The following HERC3 variants were observed in gnomAD, a reference collection of about 807,000 sequenced individuals.
HERC3 encodes the protein HECT and RLD domain containing E3 ubiquitin protein ligase 3.
In HERC3, 58 loss-of-function variants were observed where a neutral mutation model predicts 129.9. The observed-to-expected ratio is 0.45, with a 90% CI of 0.36 to 0.56. HERC3 has a LOEUF of 0.56. Among genes scored for constraint, HERC3 ranks in the 20% least tolerant of loss-of-function variants. HERC3 has a pLI of 0.00. For synonymous variants in HERC3, 430 were observed against 451.0 expected (o/e 0.95, Z 0.59); for missense variants, 835 against 1,244.2 (o/e 0.67, Z 4.95).
chr4:88,678,327 T>A (rs1031592034), intron 19 of HERC3, among the ~76,000 whole-genome samples, 193 bp downstream of exon 19: 4 of 152,206 alleles, frequency 2.6e-5, no homozygotes, highest in African/African-American at 7.2e-5. Flanking sequence ...AAAATGCCAG[T>A]GGATTATTTG....
chr4:88,698,455 T>G (rs1462300199), intron 23 of HERC3, among the ~76,000 whole-genome samples: 1 of 152,082 alleles, frequency 6.6e-6, no homozygotes, highest in African/African-American at 2.4e-5. Flanking sequence ...GAAGCAGTTT[T>G]GGAGCCATTT....
the HERC3 span, among the ~76,000 whole-genome samples, chr4:88,526,541 T>A: frequency 6.6e-6 from 1 of 152,224 alleles, no homozygotes; most frequent in African/African-American, 2.4e-5. Flanking sequence ...TTTTTATTTT[T>A]ATTTTATTTT....
chr4:88,605,935 G>C lies in HERC3; in HGVS notation c.112G>C (p.Glu38Gln). 6.2e-7 allele frequency: 1 copy of C among 1,614,182 alleles called. No individual in the cohort carries two copies. Among genetic ancestry groups the C allele is most frequent in the Non-Finnish European group, 8.5e-7 (1 of 1,180,042 alleles). The change falls in exon 3 of 26, where the codon GAA becomes CAA. Residue 38 changes from glutamate (E) to glutamine (Q), a missense_variant. Physicochemically the swap from Glu to Gln is conservative, Grantham distance 29 (BLOSUM62 2). Transcript: ENST00000402738. Reference protein sequence around the residue: ...CGFISDRSVKEVACGGNHSVF... With the variant: ...CGFISDRSVKQVACGGNHSVF... ...GTTCATATCTGACAGAAGTGTCAAG[G>C]AAGTGGCCTGTGGGGGAAACCACTC...
At chr4:88,697,822 G>A in intron 23 of HERC3, 6 of 1,506,710 alleles carry the variant, frequency 4.0e-6, no homozygotes, top group Non-Finnish European at 5.3e-6. Context: ...CTGGTCCAGA[G>A]AGATCTTGCG....
At chr4:88,657,188 A>G (rs1358365039) in intron 9 of HERC3, 1 of 152,212 alleles carries the variant, frequency 6.6e-6, no homozygotes, top group Non-Finnish European at 1.5e-5. Flanking sequence ...TGACACACTT[A>G]TGGCTTGATC....
intron 23 of HERC3, among the ~76,000 whole-genome samples, chr4:88,699,752 G>A (rs1735154579): frequency 6.6e-6 from 1 of 151,900 alleles, no homozygotes; most frequent in African/African-American, 2.4e-5. Context: ...AAAATATTTA[G>A]GGCATGTTCA....
chr4:88,646,762 G>T (rs1382967900), intron 3 of HERC3, among the ~76,000 whole-genome samples: 1 of 152,134 alleles, frequency 6.6e-6, no homozygotes, highest in Non-Finnish European at 1.5e-5. Context: ...TCTAGAAGAG[G>T]GATCATAGTT....
intron 16 of HERC3, among the ~76,000 whole-genome samples, chr4:88,675,800 G>T (rs1303925937): frequency 6.6e-6 from 1 of 151,476 alleles, no homozygotes; most frequent in African/African-American, 2.4e-5. Flanking sequence ...AGCAGCCTGT[G>T]TGTATGTGTG....
At chr4:88,544,019 TC>T in the HERC3 span, among the ~76,000 whole-genome samples, 1 of 152,188 alleles carries the variant, frequency 6.6e-6, no homozygotes, top group Non-Finnish European at 1.5e-5. Flanking sequence ...GGCAAAGACT[TC>T]ATGACTAAAA....
At chr4:88,541,603 C>G in the HERC3 span, among the ~76,000 whole-genome samples, 1 of 152,172 alleles carries the variant, frequency 6.6e-6, no homozygotes, top group South Asian at 2.1e-4. Flanking sequence ...TAATAGACAT[C>G]TACAGAACTC....
the HERC3 span, chr4:88,523,969 A>C: frequency 6.8e-6 from 3 of 439,924 alleles, no homozygotes; most frequent in East Asian, 4.0e-5. Flanking sequence ...TACAAACTAA[A>C]CCAGTGTTTA....
chr4:88,657,337 C>T (rs1305602357), intron 9 of HERC3: 1 of 152,126 alleles, frequency 6.6e-6, no homozygotes. Flanking sequence ...ACTCAGTAGA[C>T]ATTTTTGGAA....
intron 3 of HERC3, among the ~76,000 whole-genome samples, chr4:88,609,970 C>G (rs765573775): frequency 1.3e-5 from 2 of 152,124 alleles, no homozygotes; most frequent in African/African-American, 4.8e-5. Flanking sequence ...AACTTCCTGC[C>G]GTTGCCATGG....
chr4:88,580,602 G>T, the HERC3 span, among the ~76,000 whole-genome samples: 1 of 152,192 alleles, frequency 6.6e-6, no homozygotes, highest in African/African-American at 2.4e-5. Flanking sequence ...TTGAGTTCAA[G>T]AGTAGGCACC....
chr4:88,655,884 C>G lies in HERC3; in HGVS notation c.918C>G (p.Thr306=), dbSNP rs1284687333. Residue 306 remains threonine (T), a synonymous_variant, in exon 9 of 26, where the codon ACC becomes ACG. Coordinates refer to ENST00000402738, the MANE Select transcript of HERC3 (RefSeq NM_014606.3). The part of the protein sequence containing the change: ...VTQIACGRQH[T]LAFVPSSGLI... ...AATTATTTTTTCACAGACAACATAC[C>G]CTAGCCTTCGTGCCTTCTTCTGGAC... The G allele has an allele frequency of 1.2e-6, 2 of 1,612,024 alleles. No individual in the cohort carries two copies. The highest frequency in any genetic ancestry group is 1.3e-5 in the African/African-American group (1 of 74,882).
At chr4:88,578,350 G>A in the HERC3 span, among the ~76,000 whole-genome samples, 6 of 152,310 alleles carry the variant, frequency 3.9e-5, no homozygotes, top group Admixed American at 3.9e-4. Flanking sequence ...GGGAGGACGA[G>A]GCGGGTAGAT....
chr4:88,551,621 A>C, the HERC3 span, among the ~76,000 whole-genome samples: 7 of 152,094 alleles, frequency 4.6e-5, no homozygotes, highest in East Asian at 1.2e-3. Flanking sequence ...AATCATTAAA[A>C]AGTCAGGAAA....
intron 3 of HERC3, among the ~76,000 whole-genome samples, chr4:88,608,612 G>T (rs761026513): frequency 1.3e-5 from 2 of 152,194 alleles, no homozygotes; most frequent in Non-Finnish European, 2.9e-5. Context: ...TACCATGGAG[G>T]TGGCAGGAAG....
chr4:88,676,193 A>G, intron 16 of HERC3, 25 bp from the exon 17 acceptor site: 1 of 1,508,234 alleles, frequency 6.6e-7, no homozygotes, highest in Non-Finnish European at 9.1e-7. Context: ...TTTAAGTAAG[A>G]GACTTTTTAT....
Sources: allele counts gnomAD v4.1 joint callset (sites outside exome capture counted in the v4.1 genomes callset), GRCh38; gene constraint gnomAD v4.1.1; transcripts MANE v1.5; gene names NCBI Gene and HGNC (gene_info 2026-07-23, HGNC 2026-07-21).